Variants in NNT observed in about 807,000 individuals in gnomAD.
The protein encoded by NNT is NAD(P) transhydrogenase, mitochondrial.
Under a neutral mutation model 104.8 loss-of-function variants are expected in NNT, and 50 were observed. The observed-to-expected ratio is 0.48, with a 90% CI of 0.38 to 0.60. The LOEUF is 0.60. NNT is among the 20% of genes least tolerant of loss of function. NNT has a pLI of 0.00. For missense variants in NNT, 1,131 were observed against 1,330.7 expected (o/e 0.85, Z 2.33); for synonymous variants, 461 against 490.4 (o/e 0.94, Z 0.79).
chr5:43,608,091 C>T (rs572580682), intron 1 of NNT, among the ~76,000 whole-genome samples: 15 of 151,992 alleles, frequency 9.9e-5, no homozygotes, highest in Non-Finnish European at 1.3e-4. Context: ...CTACCAGGGC[C>T]GGCTAATTTT....
intron 17 of NNT, among the ~76,000 whole-genome samples, chr5:43,674,684 C>T (rs13170672): frequency 0.034 from 5,130 of 151,838 alleles, 134 homozygotes; most frequent in East Asian, 0.12. Flanking sequence ...AGTTTTTTTT[C>T]CCCTTTCTTT....
chr5:43,683,425 C>T (rs1741823593), intron 19 of NNT, among the ~76,000 whole-genome samples: 1 of 152,154 alleles, frequency 6.6e-6, no homozygotes, highest in Non-Finnish European at 1.5e-5. Flanking sequence ...TTTGTAAAGC[C>T]TCTTTTGGTC....
Position 43,704,363 on chromosome 5 carries a change from G to T in NNT, c.3220G>T (p.Asp1074Tyr), listed in dbSNP as rs780692035. 8.1e-6 allele frequency: 13 copies of T among 1,613,616 alleles called. No homozygotes were observed. Among genetic ancestry groups the T allele is most frequent in the Non-Finnish European group, 1.1e-5 (13 of 1,179,754 alleles). ...TCTAGGTGATGCCAAGAAAACATGT[G>T]ACGCGCTCCAGGCGAAAGTTAGAGA... is the stretch of plus-strand genomic sequence containing the variant. ...MLLGDAKKTC[D>Y]ALQAKVRESY... Residue 1074 changes from aspartate (D) to tyrosine (Y), a missense_variant, in exon 22 of 22, where the codon GAC becomes TAC. Asp to Tyr is a radical substitution (Grantham distance 160). Coordinates refer to ENST00000344920, the MANE Select transcript of NNT (RefSeq NM_182977.3).
intron 4 of NNT, 34 bp downstream of exon 4, chr5:43,616,099 G>T (rs368298050): frequency 1.4e-5 from 22 of 1,540,408 alleles, no homozygotes; most frequent in Middle Eastern, 1.7e-4. Flanking sequence ...GAACAAAAGC[G>T]CAATAGTGCT....
intron 17 of NNT, among the ~76,000 whole-genome samples, chr5:43,660,888 A>G (rs1740320471): frequency 6.6e-6 from 1 of 152,186 alleles, no homozygotes; most frequent in African/African-American, 2.4e-5. Context: ...AGATTTGGGT[A>G]GGGACTCAGA....
rs113010652 is a variant in NNT at position 43,608,911 on chromosome 5, A to C, written c.-53-232A>C. On this transcript the variant is annotated intron_variant, in intron 1 of 21. Coordinates refer to ENST00000344920, the MANE Select transcript of NNT (RefSeq NM_182977.3). ...CTTGGAATTGAATAGTGAGTTTAGA[A>C]CTCCAATTTTAGTGGGAAAATGGAT... is the stretch of plus-strand genomic sequence containing the variant. Among the ~76,000 whole-genome samples the C allele has an allele frequency of 4.8e-3, 730 of 152,206 alleles. 5 individuals are homozygous for C. The highest frequency in any genetic ancestry group is 0.016 in the African/African-American group (656 of 41,524).
intron 17 of NNT, among the ~76,000 whole-genome samples, chr5:43,673,180 A>G (rs1741221814): frequency 6.6e-6 from 1 of 152,188 alleles, no homozygotes; most frequent in Non-Finnish European, 1.5e-5. Flanking sequence ...GGTGCCCTCC[A>G]TCACCGCTTC....
At chr5:43,674,118 C>G (rs552060056) in intron 17 of NNT, among the ~76,000 whole-genome samples, 20 of 151,938 alleles carry the variant, frequency 1.3e-4, no homozygotes, top group Non-Finnish European at 2.9e-5. Flanking sequence ...ATGTAACAAT[C>G]TTAGACAAAT....
At chr5:43,612,829 T>C in intron 2 of NNT, 79 bp from the exon 3 acceptor site, 1 of 1,040,304 alleles carries the variant, frequency 9.6e-7, no homozygotes, top group South Asian at 1.5e-5. Flanking sequence ...TCCTTTCAAT[T>C]TTCTGAAATC....
rs1740075299 is a variant in NNT at position 43,656,748 on chromosome 5, G to A, written c.2389G>A (p.Val797Met). 6.2e-7 allele frequency: 1 copy of A among 1,614,040 alleles called. No individual in the cohort carries two copies. The highest frequency in any genetic ancestry group is 1.1e-5 in the South Asian group (1 of 91,094). Residue 797 changes from valine to methionine, a missense_variant, in exon 16 of 22, where the codon GTG becomes ATG. Transcript: ENST00000344920. Reference protein sequence around the residue: ...ASVGGIIPFMVDPSFTTGITC... With the variant: ...ASVGGIIPFMMDPSFTTGITC... Reference sequence around the variant, plus strand: ...TGTGGGCGGGATAATCCCATTCATGGTGGACCCAAGCTTTACTACTGGCAT... The same window carrying A: ...TGTGGGCGGGATAATCCCATTCATGATGGACCCAAGCTTTACTACTGGCAT...
At position 43,644,741 on chromosome 5, in the gene NNT, T is replaced by G; in HGVS notation, c.1229T>G (p.Val410Gly). The change falls in exon 9 of 22, where the codon GTG becomes GGG. Residue 410 changes from valine (V) to glycine (G), a missense_variant. Val to Gly is a moderately radical substitution (Grantham distance 109, BLOSUM62 -3). Transcript: ENST00000344920. ...GACAAAGATAATTTTTATTTTGATG[T>G]GAAAGATGACTTTGACTTTGGTACG... ...SPDKDNFYFD[V>G]KDDFDFGTMG... 3 of 1,614,194 alleles carry G rather than the reference T, an allele frequency of 1.9e-6. No individual in the cohort carries two copies. Among genetic ancestry groups the G allele is most frequent in the Non-Finnish European group, 2.5e-6 (3 of 1,180,022 alleles).
At chr5:43,656,895 A>T in intron 16 of NNT, 82 bp downstream of exon 16, 1 of 1,338,766 alleles carries the variant, frequency 7.5e-7, no homozygotes, top group South Asian at 1.5e-5. Context: ...TCATATTTTT[A>T]TCTCTTCAAG....
At chr5:43,698,897 CAT>C (rs58272291) in intron 19 of NNT, among the ~76,000 whole-genome samples, 7,107 of 145,196 alleles carry the variant, frequency 0.049, 200 homozygotes, top group Middle Eastern at 0.1. Flanking sequence ...ATATACACTA[CAT>C]ATATATATAT....
chr5:43,611,071 C>T (rs941444328), intron 2 of NNT, among the ~76,000 whole-genome samples: 9 of 151,318 alleles, frequency 5.9e-5, no homozygotes, highest in African/African-American at 2.2e-4. Context: ...TTCCTTCTTT[C>T]CTTCCTCCCT....
In NNT at chr5:43,613,085, G is replaced by A. The variant is rs1561262607; in HGVS notation, c.329G>A (p.Gly110Asp). 1.2e-6 allele frequency: 2 copies of A among 1,614,106 alleles called. No individual in the cohort carries two copies. The highest frequency in any genetic ancestry group is 1.1e-5 in the South Asian group (1 of 91,088). ...KFSDDHYRVA[G>D]AQIQGAKEVL... Reference sequence around the variant, plus strand: ...TCAGATGATCACTATAGAGTGGCAGGTGCCCAAATCCAAGGGGCAAAGGAA... The same window carrying A: ...TCAGATGATCACTATAGAGTGGCAGATGCCCAAATCCAAGGGGCAAAGGAA... Residue 110 changes from glycine (G) to aspartate (D), a missense_variant, in exon 3 of 22, where the codon GGT becomes GAT. Physicochemically the swap from Gly to Asp is moderately conservative, Grantham distance 94 (BLOSUM62 -1). Coordinates refer to ENST00000344920, the MANE Select transcript of NNT (RefSeq NM_182977.3).
At chr5:43,691,084 T>A (rs1213884430) in intron 19 of NNT, among the ~76,000 whole-genome samples, 11 of 151,178 alleles carry the variant, frequency 7.3e-5, no homozygotes, top group East Asian at 1.9e-4. Context: ...TGTGTGTGTG[T>A]GTGTGTGTGT....
chr5:43,651,943 T>A, intron 13 of NNT, 59 bp downstream of exon 13: 9 of 1,518,372 alleles, frequency 5.9e-6, no homozygotes, highest in Non-Finnish European at 8.1e-6. Flanking sequence ...CTATTAGATT[T>A]AACATTGTTA....
At chr5:43,606,408 A>T (rs1749228234) in intron 1 of NNT, among the ~76,000 whole-genome samples, 1 of 152,156 alleles carries the variant, frequency 6.6e-6, no homozygotes, top group South Asian at 2.1e-4. Context: ...TGAATTTCGA[A>T]CTAATTTTCT....
At chr5:43,639,374 A>T (rs190715061) in intron 7 of NNT, among the ~76,000 whole-genome samples, 3 of 152,296 alleles carry the variant, frequency 2.0e-5, no homozygotes, top group Admixed American at 2.0e-4. Flanking sequence ...GCAGTTTTTC[A>T]GTCTACAGTC....
Sources: allele counts gnomAD v4.1 joint callset (sites outside exome capture counted in the v4.1 genomes callset), GRCh38; gene constraint gnomAD v4.1.1; transcripts MANE v1.5; gene names NCBI Gene and HGNC (gene_info 2026-07-23, HGNC 2026-07-21).